The following CACNB4 variants were observed in gnomAD, a reference collection of about 807,000 sequenced individuals.
CACNB4 encodes voltage-dependent L-type calcium channel subunit beta-4.
CACNB4 carries 32 observed loss-of-function variants against 71.2 expected under a neutral mutation model. The ratio of observed to expected loss-of-function variants is 0.45; its 90% CI spans 0.34 to 0.60. CACNB4 has a LOEUF of 0.60. Among genes scored for constraint, CACNB4 ranks in the 20% least tolerant of loss-of-function variants. The pLI is 0.01. For synonymous variants in CACNB4, 231 were observed against 236.9 expected (o/e 0.97, Z 0.23); for missense variants, 464 against 647.9 (o/e 0.72, Z 3.08).
chr2:151,864,057 C>G (rs1019482584), intron 9 of CACNB4, among the ~76,000 whole-genome samples: 1 of 152,150 alleles, frequency 6.6e-6, no homozygotes, highest in African/African-American at 2.4e-5. Flanking sequence ...AGCTTATATA[C>G]TTTTTTTAAC....
chr2:152,042,123 G>A (rs1273683227), intron 2 of CACNB4, among the ~76,000 whole-genome samples: 1 of 152,188 alleles, frequency 6.6e-6, no homozygotes, highest in African/African-American at 2.4e-5. Context: ...CCTAGGGCCA[G>A]GTAAATGACT....
chr2:152,050,842 C>T (rs1685391168), intron 2 of CACNB4, among the ~76,000 whole-genome samples: 1 of 152,020 alleles, frequency 6.6e-6, no homozygotes, highest in African/African-American at 2.4e-5. Flanking sequence ...AATCTTGGCT[C>T]ACTGCAGCCT....
At position 152,098,830 on chromosome 2, in the gene CACNB4, G is replaced by A. The variant is rs1688434366; in HGVS notation, c.63+119C>T. 2.1e-6 allele frequency: 2 copies of A among 969,132 alleles called. No homozygotes were observed. The highest frequency in any genetic ancestry group is 3.0e-6 in the Non-Finnish European group (2 of 666,964). The allele number at this position is 969,132 out of a possible 1,614,324, so 60.0% of individuals were successfully genotyped here. A position where few individuals can be genotyped will look rare whatever the true frequency, so the allele number is the denominator to read the frequency against. ...GAGGAGGGGTGGGGGGAGCGGGGCC[G>A]CCGACTCCCGGGACTGGGGCCCCGC... On this transcript the variant is annotated intron_variant, in intron 1 of 13. Transcript: ENST00000539935. The surrounding 1 kb of genome is among the most constrained non-coding windows in gnomAD (Gnocchi z 5.3).
rs188307286 is a variant in CACNB4 at position 151,971,501 on chromosome 2, G to C, written c.148-88131C>G. 7 of 702,740 alleles carry C rather than the reference G, an allele frequency of 1.0e-5. No homozygotes were observed. The Admixed American group carries it at 1.0e-4, about 10-fold the overall frequency. 43.5% of individuals were successfully genotyped at this position (702,740 alleles called of 1,614,324 possible). On this transcript the variant is annotated intron_variant, in intron 2 of 13. Coordinates refer to ENST00000539935, the MANE Select transcript of CACNB4 (RefSeq NM_000726.5). Reference sequence around the variant, plus strand: ...CTTTCCACGCCTATCCACCAGACCTGTTCCGAGAGCTCTGCTTCCATCTGG... The same window carrying C: ...CTTTCCACGCCTATCCACCAGACCTCTTCCGAGAGCTCTGCTTCCATCTGG...
At chr2:152,053,349 G>A (rs1022501766) in intron 2 of CACNB4, among the ~76,000 whole-genome samples, 7 of 152,160 alleles carry the variant, frequency 4.6e-5, no homozygotes, top group Non-Finnish European at 1.0e-4. Context: ...GCAGGGTTTG[G>A]AGAGCTTGTG....
At chr2:151,889,018 T>C (rs1280585627) in intron 2 of CACNB4, among the ~76,000 whole-genome samples, 1 of 152,230 alleles carries the variant, frequency 6.6e-6, no homozygotes, top group Non-Finnish European at 1.5e-5. Context: ...TTTTTAGAAT[T>C]TTAAAGTGTT....
intron 2 of CACNB4, among the ~76,000 whole-genome samples, chr2:152,035,630 C>CCTCTCT (rs369495604): frequency 0.3 from 27,933 of 93,078 alleles, 4,965 homozygotes; most frequent in Non-Finnish European, 0.4. Flanking sequence ...CCTCCCTCTC[C>CCTCTCT]CTCTCTCTCT....
chr2:151,848,409 G>C (rs1312214651), intron 12 of CACNB4, among the ~76,000 whole-genome samples: 1 of 152,172 alleles, frequency 6.6e-6, no homozygotes, highest in African/African-American at 2.4e-5. Context: ...CCAATGAGGA[G>C]AGCACTTCAA....
intron 2 of CACNB4, among the ~76,000 whole-genome samples, chr2:152,069,657 T>C (rs1686558458): frequency 6.6e-6 from 1 of 151,916 alleles, no homozygotes; most frequent in Non-Finnish European, 1.5e-5. Context: ...TTTTAACAGA[T>C]ATATAAATGA....
chr2:151,842,367 G>A (rs1011086254), intron 12 of CACNB4, among the ~76,000 whole-genome samples: 1 of 93,824 alleles, frequency 1.1e-5, no homozygotes, highest in African/African-American at 4.3e-5. Context: ...GTCTCATTCT[G>A]TTGCCCAGGC....
intron 12 of CACNB4, among the ~76,000 whole-genome samples, chr2:151,842,320 C>CTTTTTT (rs35662354): frequency 3.0e-5 from 2 of 67,708 alleles, no homozygotes; most frequent in Non-Finnish European, 5.2e-5. Context: ...ATATTTGGAT[C>CTTTTTT]TTTTTTTTTT....
intron 13 of CACNB4, among the ~76,000 whole-genome samples, chr2:151,840,223 C>T (rs191269039): frequency 1.5e-3 from 235 of 152,298 alleles, no homozygotes; most frequent in African/African-American, 5.4e-3. Flanking sequence ...ATCTAAAGTA[C>T]ACTCAGATTC....
chr2:152,027,721 G>A (rs752640608), intron 2 of CACNB4, among the ~76,000 whole-genome samples: 10 of 152,102 alleles, frequency 6.6e-5, no homozygotes, highest in African/African-American at 2.2e-4. Flanking sequence ...GCTTGGTGGC[G>A]CACGCCTATA....
In CACNB4 at chr2:151,833,009, C is replaced by G. The variant is rs914915464; in HGVS notation, c.*6110G>C. ...TACACATTTGCATAGTATATTTTACCCAGCATGCCTTGTAGAATGCTACAC... is the reference window on the plus strand; with the variant it reads ...TACACATTTGCATAGTATATTTTACGCAGCATGCCTTGTAGAATGCTACAC... On this transcript the variant is annotated 3_prime_UTR_variant, in exon 14 of 14. Coordinates refer to ENST00000539935, the MANE Select transcript of CACNB4 (RefSeq NM_000726.5). 1 of 151,660 alleles carries G rather than the reference C, an allele frequency of 6.6e-6. No homozygotes were observed. The highest frequency in any genetic ancestry group is 1.5e-5 in the Non-Finnish European group (1 of 67,914). The allele number at this position is 151,660 out of a possible 1,614,324, so 9.4% of individuals were successfully genotyped here. A position where few individuals can be genotyped will look rare whatever the true frequency, so the allele number is the denominator to read the frequency against.
chr2:151,922,838 A>G lies in CACNB4; in HGVS notation c.148-39468T>C, dbSNP rs41341145. Among the ~76,000 whole-genome samples the G allele has an allele frequency of 9.7e-3, 1,472 of 152,360 alleles. 12 individuals are homozygous for G. Among genetic ancestry groups the G allele is most frequent in the Non-Finnish European group, 0.014 (926 of 68,034 alleles). ...CTTTTGAATTTTGCAAGTCAGTTTC[A>G]TAAAACATTGAGTTGATTCCTAAAA... On this transcript the variant is annotated intron_variant, in intron 2 of 13. Coordinates refer to ENST00000539935, the MANE Select transcript of CACNB4 (RefSeq NM_000726.5).
chr2:152,050,136 C>A (rs575676978), intron 2 of CACNB4, among the ~76,000 whole-genome samples: 4 of 152,354 alleles, frequency 2.6e-5, no homozygotes, highest in African/African-American at 4.8e-5. Flanking sequence ...CTGCCCTGGA[C>A]AGATGACTTT....
rs73000914 is a variant in CACNB4 at position 152,052,466 on chromosome 2, G to A, written c.147+45864C>T. Among the ~76,000 whole-genome samples, 1,488 of 152,072 alleles carry A rather than the reference G, an allele frequency of 9.8e-3. 26 individuals carry two copies. The highest frequency in any genetic ancestry group is 0.034 in the African/African-American group (1,426 of 41,506). On this transcript the variant is annotated intron_variant, in intron 2 of 13. Transcript: ENST00000539935. ...GGCACACCATTCCTGACTAATTTTC[G>A]TATTCTAAGTAGAGACAGGGTTTTG...
chr2:151,964,087 A>AAAAAAAAAAAAAAAT (rs1291914342), intron 2 of CACNB4, among the ~76,000 whole-genome samples: 1 of 151,008 alleles, frequency 6.6e-6, no homozygotes, highest in African/African-American at 2.4e-5. Flanking sequence ...AAAAAAAAAA[A>AAAAAAAAAAAAAAAT]AAAGAATGTT....
intron 2 of CACNB4, among the ~76,000 whole-genome samples, chr2:152,035,332 A>G (rs1364814808): frequency 6.6e-6 from 1 of 152,196 alleles, no homozygotes; most frequent in Non-Finnish European, 1.5e-5. Context: ...AGGCCAAGGC[A>G]GGCAGTACAC....
Sources: allele counts gnomAD v4.1 joint callset (sites outside exome capture counted in the v4.1 genomes callset), GRCh38; gene constraint gnomAD v4.1.1; non-coding constraint Gnocchi (gnomAD v3.1); transcripts MANE v1.5; gene names NCBI Gene and HGNC (gene_info 2026-07-23, HGNC 2026-07-21).